Variants in ZC3H3 observed in about 807,000 individuals in gnomAD.
The protein encoded by ZC3H3 is zinc finger CCCH domain-containing protein 3.
A neutral mutation model predicts 77.3 loss-of-function variants in ZC3H3; 36 were observed. The observed-to-expected ratio is 0.47, with a 90% CI of 0.36 to 0.61. ZC3H3 has a LOEUF of 0.61. Among genes scored for constraint, ZC3H3 ranks in the 20% least tolerant of loss-of-function variants. The probability of loss-of-function intolerance (pLI) is 0.00; values close to 1 mark genes in which losing one functional copy is unlikely to be tolerated. For missense variants in ZC3H3, 1,331 were observed against 1,312.2 expected, an observed-to-expected ratio of 1.01 and a Z score of -0.22; for synonymous variants, 626 against 555.2, an observed-to-expected ratio of 1.13 and a Z score of -1.79.
chr8:143,525,899 T>G (rs1370739522), intron 3 of ZC3H3, among the ~76,000 whole-genome samples: 1 of 152,224 alleles, frequency 6.6e-6, no homozygotes, highest in Non-Finnish European at 1.5e-5. Flanking sequence ...CCCAGCTGGA[T>G]GCCACGCCTG....
chr8:143,533,927 C>G lies in ZC3H3; in HGVS notation c.1561+2330G>C, dbSNP rs1001548544. Among the ~76,000 whole-genome samples the G allele has an allele frequency of 2.0e-5, 3 of 152,216 alleles. No individual in the cohort carries two copies. Among genetic ancestry groups the G allele is most frequent in the Middle Eastern group, 3.4e-3 (1 of 294 alleles). Reference sequence around the variant, plus strand: ...CTGACCTCAGGTGATCCACCCGCCTCGGCCTCCCAGTGTGCTGGGATTACA... The same window carrying G: ...CTGACCTCAGGTGATCCACCCGCCTGGGCCTCCCAGTGTGCTGGGATTACA... On this transcript the variant is annotated intron_variant, in intron 3 of 11. Transcript: ENST00000262577. This position sits in a 1 kb window ranked among gnomAD's most constrained non-coding sequence, Gnocchi z 4.0.
At chr8:143,540,614 C>T (rs953502522) in intron 1 of ZC3H3, among the ~76,000 whole-genome samples, 3 of 152,102 alleles carry the variant, frequency 2.0e-5, no homozygotes, top group Admixed American at 2.0e-4. Flanking sequence ...CAGTCTGCGC[C>T]TGGAATGGCA....
chr8:143,517,884 C>G (rs1822111389), intron 3 of ZC3H3, among the ~76,000 whole-genome samples: 1 of 152,228 alleles, frequency 6.6e-6, no homozygotes, highest in Non-Finnish European at 1.5e-5. Context: ...TTACTGGGAG[C>G]ACTCAGATAC....
intron 3 of ZC3H3, 87 bp downstream of exon 3, chr8:143,536,170 G>A: frequency 1.4e-6 from 2 of 1,447,656 alleles, no homozygotes; most frequent in Non-Finnish European, 9.2e-7. Flanking sequence ...GCATGAGGCA[G>A]GGAAGGTGCC....
chr8:143,442,314 T>G (rs1819762944), intron 9 of ZC3H3, among the ~76,000 whole-genome samples: 1 of 151,448 alleles, frequency 6.6e-6, no homozygotes, highest in Middle Eastern at 3.4e-3. Context: ...CGCCTCGCAG[T>G]GCTTTGGGGC....
rs367952505 is a variant in ZC3H3, at chr8:143,529,984, T to C, written c.1561+6273A>G. 6.2e-4 allele frequency among the ~76,000 whole-genome samples: 95 copies of C among 152,134 alleles called. 2 individuals are homozygous for C. The East Asian group carries it at 0.016, about 25-fold the overall frequency. The stretch of plus-strand genomic sequence containing the variant: ...CCAGTGAGCTGGGGTGAGTGGAGAC[T>C]CCACTTCTCATCTGCAAATGCTGAC... On this transcript the variant is annotated intron_variant, in intron 3 of 11. Coordinates refer to ENST00000262577, the MANE Select transcript of ZC3H3 (RefSeq NM_015117.3).
chr8:143,501,721 C>T (rs990824395), intron 4 of ZC3H3, among the ~76,000 whole-genome samples: 1 of 150,594 alleles, frequency 6.6e-6, no homozygotes, highest in Non-Finnish European at 1.5e-5. Context: ...TCATGCCCGG[C>T]CCCGGGGCGC....
Position 143,438,965 on chromosome 8 carries a change from C to T in ZC3H3, c.2816-878G>A, listed in dbSNP as rs147701508. On this transcript the variant is annotated intron_variant, in intron 11 of 11. Coordinates refer to ENST00000262577, the MANE Select transcript of ZC3H3 (RefSeq NM_015117.3). ...GCCCAGAGACTGTCCCAGGCACCTCCACCTGCCCGAGCTCCTGGCCATGGC... is the reference window on the plus strand; with the variant it reads ...GCCCAGAGACTGTCCCAGGCACCTCTACCTGCCCGAGCTCCTGGCCATGGC... Among the ~76,000 whole-genome samples the T allele has an allele frequency of 2.2e-3, 328 of 152,344 alleles. 1 individual carries two copies. The highest frequency in any genetic ancestry group is 6.6e-3 in the African/African-American group (274 of 41,586).
intron 4 of ZC3H3, among the ~76,000 whole-genome samples, chr8:143,486,859 C>T (rs56117669): frequency 1.0e-5 from 1 of 95,508 alleles, no homozygotes; most frequent in African/African-American, 4.8e-5. Flanking sequence ...CCCACCACCA[C>T]GAAGCTCAGA....
Position 143,530,225 on chromosome 8 carries a change from C to T in ZC3H3, c.1561+6032G>A, listed in dbSNP as rs1822558596. On this transcript the variant is annotated intron_variant, in intron 3 of 11. Transcript: ENST00000262577. The surrounding 1 kb of genome is among the most constrained non-coding windows in gnomAD (Gnocchi z 4.3). Reference sequence around the variant, plus strand: ...TGTCCACCACAGGTGTGCCCAGGACCTGCCAGGCCCGCACCCTCCACCAGC... The same window carrying T: ...TGTCCACCACAGGTGTGCCCAGGACTTGCCAGGCCCGCACCCTCCACCAGC... Among the ~76,000 whole-genome samples, 1 of 152,114 alleles carries T rather than the reference C, an allele frequency of 6.6e-6. No homozygotes were observed. The highest frequency in any genetic ancestry group is 1.5e-5 in the Non-Finnish European group (1 of 68,014).
At chr8:143,526,555 G>A (rs1292291172) in intron 3 of ZC3H3, among the ~76,000 whole-genome samples, 3 of 152,186 alleles carry the variant, frequency 2.0e-5, no homozygotes, top group Non-Finnish European at 4.4e-5. Flanking sequence ...AGTCCACATG[G>A]ACTCTGACCA....
rs1820227368 is a variant in ZC3H3 at position 143,460,281 on chromosome 8, TAAATAAATAAAA to T, written c.2307+5424_2307+5435del. Among the ~76,000 whole-genome samples the T allele has an allele frequency of 6.6e-6, 1 of 150,572 alleles. No individual in the cohort carries two copies. The highest frequency in any genetic ancestry group is 1.5e-5 in the Non-Finnish European group (1 of 67,532). ...ATAAATAAATAAATAAATAAATAAA[TAAATAAATAAAA>T]GGCATCCCAATTGAAAAGGAAGAAG... On this transcript the variant is annotated intron_variant, in intron 9 of 11. Coordinates refer to ENST00000262577, the MANE Select transcript of ZC3H3 (RefSeq NM_015117.3). The surrounding 1 kb of genome is among the most constrained non-coding windows in gnomAD (Gnocchi z 4.0).
At chr8:143,515,507 T>A (rs1822010664) in intron 3 of ZC3H3, among the ~76,000 whole-genome samples, 1 of 152,162 alleles carries the variant, frequency 6.6e-6, no homozygotes, top group Admixed American at 6.5e-5. Flanking sequence ...AGGCTCAGGC[T>A]CTCCCCACGA....
At chr8:143,438,731 C>A (rs1394604122) in intron 11 of ZC3H3, among the ~76,000 whole-genome samples, 2 of 152,232 alleles carry the variant, frequency 1.3e-5, no homozygotes, top group African/African-American at 2.4e-5. Flanking sequence ...CCGACAGGCA[C>A]CACAGTGGCC....
rs528377849 is a variant in ZC3H3, at chr8:143,533,720, T to C, written c.1561+2537A>G. Among the ~76,000 whole-genome samples the C allele has an allele frequency of 4.7e-4, 67 of 142,186 alleles. No individual in the cohort carries two copies. Among genetic ancestry groups the C allele is most frequent in the Non-Finnish European group, 9.1e-4 (60 of 66,110 alleles). The allele number at this position is 142,186 out of a possible 152,430, so 93.3% of individuals were successfully genotyped here. On this transcript the variant is annotated intron_variant, in intron 3 of 11. Transcript: ENST00000262577. The surrounding 1 kb of genome is among the most constrained non-coding windows in gnomAD (Gnocchi z 4.0). Reference sequence around the variant, plus strand: ...TTTTTTTTTTGAGACAAAATGTCACTCTGTCGCCCAGGCTGGAGTACAATG... The same window carrying C: ...TTTTTTTTTTGAGACAAAATGTCACCCTGTCGCCCAGGCTGGAGTACAATG...
intron 4 of ZC3H3, among the ~76,000 whole-genome samples, chr8:143,485,450 G>A (rs1298901308): frequency 6.6e-6 from 1 of 152,216 alleles, no homozygotes; most frequent in Admixed American, 6.5e-5. Flanking sequence ...AGGCGCCCCT[G>A]CACCTGAGTG....
intron 3 of ZC3H3, among the ~76,000 whole-genome samples, chr8:143,512,008 G>A (rs1821884434): frequency 6.6e-6 from 1 of 152,274 alleles, no homozygotes; most frequent in South Asian, 2.1e-4. Context: ...TGGGGCCCAC[G>A]AAGGGATGAT....
chr8:143,513,552 A>G (rs1821938195), intron 3 of ZC3H3, among the ~76,000 whole-genome samples: 1 of 152,198 alleles, frequency 6.6e-6, no homozygotes, highest in Non-Finnish European at 1.5e-5. Context: ...TGAAAACTCC[A>G]ACAGAGCATG....
At chr8:143,474,450 C>A (rs908244039) in intron 5 of ZC3H3, among the ~76,000 whole-genome samples, 1 of 152,238 alleles carries the variant, frequency 6.6e-6, no homozygotes, top group South Asian at 2.1e-4. Context: ...TGCCAGGGCC[C>A]CCGTGCTGCT....
Sources: gnomAD v4.1 joint callset for allele counts (sites outside exome capture counted in the v4.1 genomes callset) on GRCh38, gnomAD v4.1.1 for gene constraint, Gnocchi (gnomAD v3.1) non-coding constraint, MANE v1.5 for transcripts, NCBI Gene and HGNC (gene_info 2026-07-23, HGNC 2026-07-21) for gene names.